Variants in ARHGAP6 observed in about 807,000 individuals in gnomAD.
ARHGAP6 encodes the protein Rho GTPase activating protein 6, also known as rho GTPase-activating protein 6.
Under a neutral mutation model 55.7 loss-of-function variants are expected in ARHGAP6, and 16 were observed. The ratio of observed to expected loss-of-function variants is 0.29; its 90% confidence interval spans 0.19 to 0.44. The LOEUF (loss-of-function observed/expected upper bound fraction) is 0.44. ARHGAP6 is among the 20% of genes least tolerant of loss of function. The pLI is 1.00. For synonymous variants in ARHGAP6, 382 were observed against 360.9 expected (o/e 1.06, Z -0.66); for missense variants, 698 against 808.9 (o/e 0.86, Z 1.66).
chrX:11,399,941 A>G (rs910381475), intron 1 of ARHGAP6, among the ~76,000 whole-genome samples: 2 of 112,339 alleles, frequency 1.8e-5, no homozygotes, highest in Non-Finnish European at 3.8e-5. Context: ...GAGCCTTGAA[A>G]ACATTATGCT....
intron 1 of ARHGAP6, among the ~76,000 whole-genome samples, chrX:11,255,501 A>C (rs1282921199): frequency 1.8e-5 from 2 of 111,128 alleles, no homozygotes; most frequent in Non-Finnish European, 3.8e-5. Flanking sequence ...AATATAATAT[A>C]GATGATGAAA....
At chrX:11,347,120 G>A (rs2048799263) in intron 1 of ARHGAP6, among the ~76,000 whole-genome samples, 1 of 111,872 alleles carries the variant, frequency 8.9e-6, no homozygotes, top group Admixed American at 9.5e-5. Flanking sequence ...CTGTAATACA[G>A]GTAAAAATAC....
intron 9 of ARHGAP6, among the ~76,000 whole-genome samples, chrX:11,158,912 A>G (rs1187077400): frequency 8.9e-6 from 1 of 112,526 alleles, no homozygotes; most frequent in Admixed American, 9.4e-5. Context: ...GACGGGCATT[A>G]AACAAACATA....
At chrX:11,312,980 G>A (rs1043533923) in intron 1 of ARHGAP6, among the ~76,000 whole-genome samples, 7 of 111,773 alleles carry the variant, frequency 6.3e-5, no homozygotes, top group Non-Finnish European at 1.1e-4. Flanking sequence ...TTGTTCATGG[G>A]GGAAATAACA....
At chrX:11,487,938 T>A (rs2050528045) in intron 1 of ARHGAP6, among the ~76,000 whole-genome samples, 1 of 112,440 alleles carries the variant, frequency 8.9e-6, no homozygotes, top group Non-Finnish European at 1.9e-5. Context: ...AGTGAAAGTT[T>A]GATGACGAAT....
At chrX:11,664,060 G>A (rs1223226703) in intron 1 of ARHGAP6, among the ~76,000 whole-genome samples, 181 bp downstream of exon 1, 1 of 112,719 alleles carries the variant, frequency 8.9e-6, no homozygotes, top group Admixed American at 9.3e-5. Flanking sequence ...GCACAAGCGG[G>A]TGGCCACTAG....
Position 11,139,031 on chromosome X carries a change from C to T in ARHGAP6, c.2757G>A (p.Gln919=), listed in dbSNP as rs749765771. 2.7e-5 allele frequency: 33 copies of T among 1,207,223 alleles called. No homozygotes were observed. Among genetic ancestry groups the T allele is most frequent in the Non-Finnish European group, 3.7e-5 (33 of 894,119 alleles). The change falls in exon 13 of 13, where the codon CAG becomes CAA. Residue 919 remains glutamine (Q), a synonymous_variant. Transcript: ENST00000337414. ...DQGGQAAERE[Q]QVTQKKLSSA... ...TGCTCAGTTTTTTCTGCGTGACCTG[C>T]TGCTCTCGCTCGGCTGCTTGGCCTC... is the stretch of plus-strand genomic sequence containing the variant.
intron 2 of ARHGAP6, among the ~76,000 whole-genome samples, chrX:11,203,773 CCTT>C (rs1223525247): frequency 9.0e-6 from 1 of 111,626 alleles, no homozygotes; most frequent in Non-Finnish European, 1.9e-5. Context: ...AGGCCAAACT[CCTT>C]CATTCTCTCA....
intron 1 of ARHGAP6, among the ~76,000 whole-genome samples, chrX:11,276,427 C>G (rs1401677284): frequency 8.9e-6 from 1 of 112,165 alleles, no homozygotes; most frequent in Non-Finnish European, 1.9e-5. Context: ...AAAATCATTT[C>G]TGTCTATTAG....
At position 11,620,741 on chromosome X, in the gene ARHGAP6, T is replaced by C. The variant is rs760404936; in HGVS notation, c.588+43500A>G. On this transcript the variant is annotated intron_variant, in intron 1 of 12. Transcript: ENST00000337414. ...TTCCCCAGAGGACATTTGGCCAATG[T>C]CTGGAGACATTTTTGGTGGTCATAA... Among the ~76,000 whole-genome samples, 11 of 112,078 alleles carry C rather than the reference T, an allele frequency of 9.8e-5. No homozygotes were observed. In the East Asian group the frequency reaches 2.8e-3, roughly 29 times the overall value.
chrX:11,155,442 G>A (rs2045850342), intron 10 of ARHGAP6, among the ~76,000 whole-genome samples: 1 of 111,076 alleles, frequency 9.0e-6, no homozygotes, highest in Non-Finnish European at 1.9e-5. Context: ...TGGGATTACA[G>A]GCACCTGTCA....
intron 1 of ARHGAP6, among the ~76,000 whole-genome samples, chrX:11,391,339 A>T (rs2049402635): frequency 9.0e-6 from 1 of 111,286 alleles, no homozygotes. Flanking sequence ...AGGGAGGGAT[A>T]GCATTAGGAT....
At chrX:11,639,620 G>A (rs1235723897) in intron 1 of ARHGAP6, among the ~76,000 whole-genome samples, 1 of 111,057 alleles carries the variant, frequency 9.0e-6, no homozygotes, top group African/African-American at 3.3e-5. Context: ...TTAGACAGCT[G>A]CACTGTGGTT....
chrX:11,554,640 C>T (rs1268219127), intron 1 of ARHGAP6, among the ~76,000 whole-genome samples: 2 of 112,067 alleles, frequency 1.8e-5, no homozygotes, highest in Admixed American at 1.9e-4. Context: ...TTTGGTTTCT[C>T]ATACAGAACC....
At chrX:11,425,646 C>T (rs986418909) in intron 1 of ARHGAP6, among the ~76,000 whole-genome samples, 1 of 112,163 alleles carries the variant, frequency 8.9e-6, no homozygotes, top group Non-Finnish European at 1.9e-5. Flanking sequence ...CATCAGCAGT[C>T]TTCAGAGCCC....
intron 1 of ARHGAP6, among the ~76,000 whole-genome samples, chrX:11,504,889 A>G (rs1458014197): frequency 1.8e-5 from 2 of 112,498 alleles, no homozygotes; most frequent in Non-Finnish European, 3.8e-5. Flanking sequence ...TAAACCCAAA[A>G]GTTAGCATGT....
intron 1 of ARHGAP6, among the ~76,000 whole-genome samples, chrX:11,354,868 A>G (rs975173940): frequency 4.5e-5 from 5 of 111,748 alleles, no homozygotes; most frequent in African/African-American, 1.6e-4. Context: ...TGATTATCAA[A>G]TTTTTACTAG....
intron 1 of ARHGAP6, among the ~76,000 whole-genome samples, chrX:11,434,857 TC>T (rs1010697645): frequency 4.5e-5 from 5 of 111,537 alleles, no homozygotes; most frequent in Non-Finnish European, 9.4e-5. Context: ...GAGTTCCAGA[TC>T]CCCCAGGAAT....
In ARHGAP6 at chrX:11,403,207, G is replaced by A. The variant is rs1473685062; in HGVS notation, c.589-148500C>T. ...GAGAAAAGTTCAGCAATCTTGGGGTGCTCAGGGCTGGGTGTAGGTATGGGG... is the reference window on the plus strand; with the variant it reads ...GAGAAAAGTTCAGCAATCTTGGGGTACTCAGGGCTGGGTGTAGGTATGGGG... On this transcript the variant is annotated intron_variant, in intron 1 of 12. Coordinates refer to ENST00000337414, the MANE Select transcript of ARHGAP6 (RefSeq NM_013427.3). 2.7e-5 allele frequency among the ~76,000 whole-genome samples: 3 copies of A among 111,629 alleles called. No homozygotes were observed. The Admixed American group carries it at 2.9e-4, about 11-fold the overall frequency.
Sources: gnomAD v4.1 joint callset for allele counts (sites outside exome capture counted in the v4.1 genomes callset) on GRCh38, gnomAD v4.1.1 for gene constraint, MANE v1.5 for transcripts, NCBI Gene and HGNC (gene_info 2026-07-23, HGNC 2026-07-21) for gene names.